BRD10: variants seen among roughly 807,000 people sequenced by gnomAD.
BRD10 encodes the protein uncharacterized bromodomain-containing protein 10.
At chr9:5,894,405 C>T in the BRD10 span, among the ~76,000 whole-genome samples, 16 of 152,260 alleles carry the variant, frequency 1.1e-4, no homozygotes, top group African/African-American at 3.9e-4. This position sits in a 1 kb window ranked among gnomAD's most constrained non-coding sequence, Gnocchi z 4.0. Context: ...AGGCTGTACC[C>T]ACAGAATGCT....
the BRD10 span, chr9:5,969,447 T>A: frequency 2.7e-6 from 4 of 1,477,988 alleles, no homozygotes; most frequent in East Asian, 9.6e-5. Flanking sequence ...CTAAAGAAAT[T>A]TAACAAATTA....
the BRD10 span, among the ~76,000 whole-genome samples, chr9:5,946,838 CAT>C: frequency 8.5e-5 from 13 of 152,100 alleles, no homozygotes; most frequent in Non-Finnish European, 1.3e-4. Flanking sequence ...TAAATGAAAA[CAT>C]ATACTCCTAC....
the BRD10 span, among the ~76,000 whole-genome samples, chr9:5,942,306 A>C: frequency 3.3e-5 from 5 of 152,178 alleles, no homozygotes; most frequent in Non-Finnish European, 7.4e-5. Flanking sequence ...TTTTTCCATT[A>C]AAGTTGTTTT....
the BRD10 span, among the ~76,000 whole-genome samples, chr9:5,955,660 G>T: frequency 6.7e-6 from 1 of 148,964 alleles, no homozygotes; most frequent in African/African-American, 2.6e-5. Context: ...GTTCACAGGG[G>T]TTTAACTGTC....
the BRD10 span, among the ~76,000 whole-genome samples, chr9:5,975,093 G>C: frequency 3.3e-5 from 5 of 152,084 alleles, no homozygotes; most frequent in African/African-American, 1.2e-4. Context: ...AATGACCCAT[G>C]ATGAGAAAAA....
chr9:5,940,531 T>C, the BRD10 span, among the ~76,000 whole-genome samples: 54 of 152,348 alleles, frequency 3.5e-4, no homozygotes, highest in African/African-American at 1.3e-3. Context: ...TTCACAAATA[T>C]TTCCGTATTG....
At chr9:5,912,526 C>T in the BRD10 span, among the ~76,000 whole-genome samples, 1 of 152,078 alleles carries the variant, frequency 6.6e-6, no homozygotes, top group South Asian at 2.1e-4. Flanking sequence ...TACTGAAATC[C>T]AGGGCTGTTA....
the BRD10 span, among the ~76,000 whole-genome samples, chr9:5,993,450 A>T: frequency 3.3e-5 from 5 of 152,098 alleles, no homozygotes; most frequent in Admixed American, 1.3e-4. Flanking sequence ...AAAAGATGTG[A>T]TGTTTATTTA....
the BRD10 span, among the ~76,000 whole-genome samples, chr9:5,976,674 G>A: frequency 4.6e-5 from 7 of 151,642 alleles, no homozygotes; most frequent in Non-Finnish European, 8.8e-5. Context: ...AATTAAATGT[G>A]ACACTTTGTT....
At chr9:5,938,490 C>A in the BRD10 span, among the ~76,000 whole-genome samples, 1 of 151,816 alleles carries the variant, frequency 6.6e-6, no homozygotes, top group East Asian at 1.9e-4. Context: ...ATATTTTAAC[C>A]CACAGGTTGA....
At chr9:5,968,289 G>C in the BRD10 span, 1 of 1,611,646 alleles carries the variant, frequency 6.2e-7, no homozygotes, top group African/African-American at 1.3e-5. Context: ...TGATCACTGT[G>C]ACTTCCATTT....
chr9:5,976,774 C>CA, the BRD10 span, among the ~76,000 whole-genome samples: 1,799 of 113,910 alleles, frequency 0.016, 20 homozygotes, highest in African/African-American at 0.045. Flanking sequence ...GAAAGGACAG[C>CA]AAAAAAAAAA....
At chr9:5,961,727 A>C in the BRD10 span, among the ~76,000 whole-genome samples, 3 of 152,198 alleles carry the variant, frequency 2.0e-5, no homozygotes, top group Non-Finnish European at 4.4e-5. Context: ...GAACAGGCCT[A>C]AATGAGTAAA....
the BRD10 span, among the ~76,000 whole-genome samples, chr9:5,940,392 A>T: frequency 1.3e-5 from 2 of 151,978 alleles, no homozygotes; most frequent in Non-Finnish European, 2.9e-5. Flanking sequence ...ACAGGGTTTC[A>T]CCATGTTAGC....
the BRD10 span, among the ~76,000 whole-genome samples, chr9:5,915,130 A>G: frequency 3.9e-5 from 6 of 152,156 alleles, no homozygotes; most frequent in Non-Finnish European, 1.5e-5. Flanking sequence ...AATTTTATAC[A>G]GTCAAAAATA....
At chr9:5,991,680 G>A in the BRD10 span, among the ~76,000 whole-genome samples, 7 of 148,822 alleles carry the variant, frequency 4.7e-5, no homozygotes, top group East Asian at 7.9e-4. Context: ...AGCCAAGATC[G>A]TGCCATTGCA....
chr9:5,897,499 A>C, the BRD10 span: 1 of 1,466,030 alleles, frequency 6.8e-7, no homozygotes, highest in Non-Finnish European at 9.6e-7. Flanking sequence ...TTTATGCTTC[A>C]TCATAATGTA....
chr9:5,979,368 G>C, the BRD10 span, among the ~76,000 whole-genome samples: 13 of 152,020 alleles, frequency 8.6e-5, no homozygotes, highest in East Asian at 7.7e-4. Context: ...GTAAAAATTT[G>C]CCAAGTGTGG....
the BRD10 span, among the ~76,000 whole-genome samples, chr9:5,995,432 T>C: frequency 6.6e-6 from 1 of 152,258 alleles, no homozygotes; most frequent in Non-Finnish European, 1.5e-5. Context: ...AGAATTTGTA[T>C]TTCATTAATT....
Sources: gnomAD v4.1 joint callset for allele counts (sites outside exome capture counted in the v4.1 genomes callset) on GRCh38, gnomAD v4.1.1 for gene constraint, Gnocchi (gnomAD v3.1) non-coding constraint, MANE v1.5 for transcripts, NCBI Gene and HGNC (gene_info 2026-07-23, HGNC 2026-07-21) for gene names.